SRRM3: variants seen among roughly 807,000 people sequenced by gnomAD.
SRRM3 encodes the protein serine/arginine repetitive matrix protein 3.
Under a neutral mutation model 66.2 loss-of-function variants are expected in SRRM3, and 27 were observed. The ratio of observed to expected loss-of-function variants is 0.41; its 90% CI spans 0.30 to 0.56. SRRM3 has a LOEUF of 0.56. SRRM3 is among the 20% of genes least tolerant of loss of function. The probability of loss-of-function intolerance (pLI) is 0.32; values close to 1 mark genes in which losing one functional copy is unlikely to be tolerated. For missense variants in SRRM3, 918 were observed against 991.9 expected, an observed-to-expected ratio of 0.93 and a Z score of 1.00; for synonymous variants, 391 against 414.9, an observed-to-expected ratio of 0.94 and a Z score of 0.70.
intron 11 of SRRM3, among the ~76,000 whole-genome samples, chr7:76,280,897 T>G (rs1802480045): frequency 6.6e-6 from 1 of 151,100 alleles, no homozygotes; most frequent in Non-Finnish European, 1.5e-5. Context: ...CATCCTTCTC[T>G]CTCTTCGCTC....
chr7:76,267,520 C>A, intron 11 of SRRM3, 85 bp downstream of exon 11: 1 of 607,760 alleles, frequency 1.6e-6, no homozygotes, highest in Non-Finnish European at 2.2e-6. Context: ...GGGCAGGGGG[C>A]GATAAGTGTG....
chr7:76,254,864 C>T lies in SRRM3; in HGVS notation c.336-5042C>T, dbSNP rs536116177. Among the ~76,000 whole-genome samples, 334 of 151,988 alleles carry T rather than the reference C, an allele frequency of 2.2e-3. No individual in the cohort carries two copies. The Middle Eastern group carries it at 0.024, about 11-fold the overall frequency. ...TTAGGGACAAGGACAGGAGGCAGGA[C>T]GCCACTGGCCTCAGGAAGAGGAGCA... On this transcript the variant is annotated intron_variant, in intron 3 of 14. Coordinates refer to ENST00000611745, the MANE Select transcript of SRRM3 (RefSeq NM_001110199.3).
At chr7:76,233,073 TG>T (rs1728698549) in intron 1 of SRRM3, among the ~76,000 whole-genome samples, 1 of 151,818 alleles carries the variant, frequency 6.6e-6, no homozygotes, top group Non-Finnish European at 1.5e-5. Context: ...GAGGCCAAAG[TG>T]GAAGGATTGT....
chr7:76,233,090 G>T (rs1801052394), intron 1 of SRRM3, among the ~76,000 whole-genome samples: 1 of 152,110 alleles, frequency 6.6e-6, no homozygotes, highest in Admixed American at 6.6e-5. Context: ...ATTGTTTGAA[G>T]CCAGGAATTC....
At chr7:76,281,295 C>G in intron 11 of SRRM3, 146 bp from the exon 12 acceptor site, 108 of 451,980 alleles carry the variant, frequency 2.4e-4, no homozygotes, top group Non-Finnish European at 3.0e-4. Context: ...CTGTCTCTGT[C>G]TCTCCCTCTT....
At chr7:76,238,881 T>C (rs200108465) in intron 2 of SRRM3, among the ~76,000 whole-genome samples, 4,844 of 137,782 alleles carry the variant, frequency 0.035, no homozygotes, top group African/African-American at 0.11. Flanking sequence ...AGGCTGGTCT[T>C]GAACTCCTGA....
chr7:76,250,322 C>G (rs929482847), intron 3 of SRRM3, among the ~76,000 whole-genome samples: 1 of 152,040 alleles, frequency 6.6e-6, no homozygotes, highest in Admixed American at 6.6e-5. Flanking sequence ...ACCTCTGCCC[C>G]CCGGGTTCAA....
chr7:76,281,753 C>T lies in SRRM3; in HGVS notation c.1321C>T (p.Pro441Ser). Residue 441 changes from proline (P) to serine (S), a missense_variant, in exon 12 of 15, where the codon CCC (proline) becomes TCC (serine). Transcript: ENST00000611745. ...CGGCAGCGGCCGCGGCGCCCCCGGC[C>T]CCGGGCCCGAGCCCGGCTCTGAGCG... Reference protein sequence around the residue: ...DSGSGRGAPGPGPEPGSERGH... With the variant: ...DSGSGRGAPGSGPEPGSERGH... 1 of 1,369,580 alleles carries T rather than the reference C, an allele frequency of 7.3e-7. No homozygotes were observed. Among genetic ancestry groups the T allele is most frequent in the South Asian group, 1.5e-5 (1 of 67,548 alleles). 84.8% of individuals were successfully genotyped at this position (1,369,580 alleles called of 1,614,324 possible).
chr7:76,253,762 G>T (rs1311586965), intron 3 of SRRM3, among the ~76,000 whole-genome samples: 1 of 147,818 alleles, frequency 6.8e-6, no homozygotes, highest in Non-Finnish European at 1.5e-5. Flanking sequence ...CCGCCAGCCT[G>T]GGCAACAAGA....
At chr7:76,262,091 GGGGAGCTCTGAGCA>G (rs1352073870) in intron 8 of SRRM3, among the ~76,000 whole-genome samples, 2 of 152,012 alleles carry the variant, frequency 1.3e-5, no homozygotes, top group Non-Finnish European at 2.9e-5. Context: ...GGTTAGTGTG[GGGGAGCTCTGAGCA>G]GGGCAGTGGC....
chr7:76,264,471 ACCCCACTTTATCT>A (rs2117068207), intron 8 of SRRM3, among the ~76,000 whole-genome samples: 1 of 152,072 alleles, frequency 6.6e-6, no homozygotes, highest in East Asian at 1.9e-4. Context: ...CGGCTATAGC[ACCCCACTTTATCT>A]GGGGCCAGCC....
intron 3 of SRRM3, among the ~76,000 whole-genome samples, chr7:76,253,857 A>G (rs1199481922): frequency 2.7e-5 from 4 of 150,274 alleles, no homozygotes; most frequent in African/African-American, 9.7e-5. Context: ...GCAGGATAGG[A>G]GAGTCTAGGA....
chr7:76,241,921 T>C (rs75174978), intron 2 of SRRM3, among the ~76,000 whole-genome samples: 11,845 of 152,282 alleles, frequency 0.078, 1,124 homozygotes, highest in African/African-American at 0.22. Flanking sequence ...TGAGGCTAGG[T>C]AACTTATAAA....
At chr7:76,260,596 C>CGGA (rs1801839645) in intron 5 of SRRM3, among the ~76,000 whole-genome samples, 2 of 151,452 alleles carry the variant, frequency 1.3e-5, no homozygotes, top group Non-Finnish European at 2.9e-5. Context: ...TCACTGAGCC[C>CGGA]TTCTCTAGCA....
At position 76,280,658 on chromosome 7, in the gene SRRM3, A is replaced by G. The variant is rs942195145; in HGVS notation, c.1009-783A>G. Among the ~76,000 whole-genome samples the G allele has an allele frequency of 2.8e-5, 4 of 141,160 alleles. No homozygotes were observed. The East Asian group carries it at 9.0e-4, about 32-fold the overall frequency. 92.6% of individuals were successfully genotyped at this position (141,160 alleles called of 152,430 possible). On this transcript the variant is annotated intron_variant, in intron 11 of 14. Coordinates refer to ENST00000611745, the MANE Select transcript of SRRM3 (RefSeq NM_001110199.3). ...TGTTGAGGCCAGAAGGTGGACACCC[A>G]GGAGAGGCAGAGGCAGGGCAGGCGC...
At chr7:76,280,759 C>A (rs1554611711) in intron 11 of SRRM3, among the ~76,000 whole-genome samples, 1 of 144,248 alleles carries the variant, frequency 6.9e-6, no homozygotes, top group African/African-American at 2.6e-5. Flanking sequence ...CTCCTTCTCT[C>A]CCCCCACCCC....
chr7:76,221,358 TC>T (rs1395801433), intron 1 of SRRM3, among the ~76,000 whole-genome samples: 14 of 121,876 alleles, frequency 1.1e-4, no homozygotes, highest in Non-Finnish European at 1.6e-4. Flanking sequence ...CCTGCCCTCC[TC>T]TTTTTTTTTT....
intron 2 of SRRM3, among the ~76,000 whole-genome samples, chr7:76,237,338 G>A (rs953735184): frequency 3.2e-4 from 48 of 151,978 alleles, no homozygotes; most frequent in South Asian, 2.1e-4. Flanking sequence ...ACCCGGAGGC[G>A]GAGGTTGCAC....
At chr7:76,252,357 T>C (rs531826884) in intron 3 of SRRM3, among the ~76,000 whole-genome samples, 56 of 152,348 alleles carry the variant, frequency 3.7e-4, no homozygotes, top group African/African-American at 1.3e-3. Flanking sequence ...AGTCTCACTC[T>C]GTCATCCAGG....
Sources: allele counts gnomAD v4.1 joint callset (sites outside exome capture counted in the v4.1 genomes callset), GRCh38; gene constraint gnomAD v4.1.1; transcripts MANE v1.5; gene names NCBI Gene and HGNC (gene_info 2026-07-23, HGNC 2026-07-21).